DNM3: variants seen among roughly 807,000 people sequenced by gnomAD.
DNM3 encodes dynamin-3.
In DNM3, 47 loss-of-function variants were observed where a neutral mutation model predicts 101.6. That is an observed-to-expected ratio of 0.46 (90% CI 0.37 to 0.59). The LOEUF is 0.59. Ranked by LOEUF, DNM3 falls within the 20% of genes least tolerant of loss-of-function variation. The pLI, the probability that DNM3 is intolerant of heterozygous loss-of-function variation, is 0.00. For missense variants in DNM3, 849 were observed against 1,085.7 expected (o/e 0.78, Z 3.06); for synonymous variants, 385 against 387.9 (o/e 0.99, Z 0.09).
chr1:172,014,880 G>A (rs2047351323), intron 4 of DNM3, among the ~76,000 whole-genome samples: 3 of 151,992 alleles, frequency 2.0e-5, no homozygotes, highest in Admixed American at 1.3e-4. Flanking sequence ...GGGTGATGTA[G>A]GTTTTTATCC....
intron 14 of DNM3, among the ~76,000 whole-genome samples, chr1:172,134,523 T>C (rs762076410): frequency 3.3e-5 from 5 of 152,168 alleles, no homozygotes; most frequent in Non-Finnish European, 7.4e-5. Context: ...GTGCTAAGTG[T>C]CAGTGCTGTG....
intron 15 of DNM3, among the ~76,000 whole-genome samples, chr1:172,267,676 C>T (rs2148734319): frequency 6.6e-6 from 1 of 151,594 alleles, no homozygotes; most frequent in South Asian, 2.1e-4. Context: ...ATCTTTATTT[C>T]TTGGTTCTAG....
At position 172,042,918 on chromosome 1, in the gene DNM3, T is replaced by C. The variant is rs1248414050; in HGVS notation, c.1128+774T>C. 3.3e-5 allele frequency among the ~76,000 whole-genome samples: 5 copies of C among 152,240 alleles called. No individual in the cohort carries two copies. The East Asian group carries it at 7.7e-4, about 24-fold the overall frequency. ...TTAGAAGAATAGTATGCCTGCTGGATTGTAAAGAGCCAAGAGAGTGAGGAG... is the reference window on the plus strand; with the variant it reads ...TTAGAAGAATAGTATGCCTGCTGGACTGTAAAGAGCCAAGAGAGTGAGGAG... On this transcript the variant is annotated intron_variant, in intron 8 of 20. Coordinates refer to ENST00000627582, the MANE Select transcript of DNM3 (RefSeq NM_015569.5).
rs187934463 is a variant in DNM3, at chr1:172,311,655, T to C, written c.1881+2816T>C. Reference sequence around the variant, plus strand: ...ATGAGGGAAAAACTGTCCTAGAAAATCAAAGTTATCCATCTCCCAGTAAAC... The same window carrying C: ...ATGAGGGAAAAACTGTCCTAGAAAACCAAAGTTATCCATCTCCCAGTAAAC... On this transcript the variant is annotated intron_variant, in intron 16 of 20. Coordinates refer to ENST00000627582, the MANE Select transcript of DNM3 (RefSeq NM_015569.5). 2.8e-3 allele frequency among the ~76,000 whole-genome samples: 420 copies of C among 152,244 alleles called. 1 individual carries two copies. Among genetic ancestry groups the C allele is most frequent in the African/African-American group, 9.5e-3 (394 of 41,556 alleles).
At chr1:171,869,683 T>C (rs1397226267) in intron 1 of DNM3, among the ~76,000 whole-genome samples, 1 of 152,246 alleles carries the variant, frequency 6.6e-6, no homozygotes, top group East Asian at 1.9e-4. Context: ...TGACATATGA[T>C]GCTGAGTTAT....
chr1:171,955,342 T>C (rs1000656465), intron 2 of DNM3, among the ~76,000 whole-genome samples: 3 of 152,208 alleles, frequency 2.0e-5, no homozygotes, highest in Non-Finnish European at 2.9e-5. Context: ...CCCTAAAATA[T>C]AGTTATTTTA....
chr1:171,842,434 C>A (rs2031405959), intron 1 of DNM3, among the ~76,000 whole-genome samples: 1 of 152,178 alleles, frequency 6.6e-6, no homozygotes. Context: ...TATCCAGAGA[C>A]GCTTCCCCAC....
rs1257795235 is a variant in DNM3, at chr1:172,205,551, T to C, written c.1660-48022T>C. Among the ~76,000 whole-genome samples, 4 of 152,120 alleles carry C rather than the reference T, an allele frequency of 2.6e-5. No individual in the cohort carries two copies. The East Asian group carries it at 5.8e-4, about 22-fold the overall frequency. ...CTTATATGTTATCCTAAGTGATACA[T>C]TTTTGTGAAAAAAATCTGTATTTTC... On this transcript the variant is annotated intron_variant, in intron 14 of 20. Coordinates refer to ENST00000627582, the MANE Select transcript of DNM3 (RefSeq NM_015569.5).
chr1:172,180,013 T>C (rs867711146), intron 14 of DNM3, among the ~76,000 whole-genome samples: 1 of 152,140 alleles, frequency 6.6e-6, no homozygotes, highest in Middle Eastern at 3.4e-3. Context: ...TATCATACCG[T>C]GTCTCTGAGT....
intron 1 of DNM3, among the ~76,000 whole-genome samples, chr1:171,846,653 G>C (rs1170042877): frequency 1.3e-5 from 2 of 152,108 alleles, no homozygotes; most frequent in African/African-American, 4.8e-5. Context: ...TCTGCTACCA[G>C]AGCCAAGTCA....
chr1:172,146,716 C>A (rs888302069), intron 14 of DNM3, among the ~76,000 whole-genome samples: 2 of 152,162 alleles, frequency 1.3e-5, no homozygotes, highest in Non-Finnish European at 2.9e-5. Context: ...AACCACTGAA[C>A]CAGTAGTCAG....
intron 1 of DNM3, among the ~76,000 whole-genome samples, chr1:171,909,517 C>G (rs2039116530): frequency 6.6e-6 from 1 of 151,304 alleles, no homozygotes; most frequent in Non-Finnish European, 1.5e-5. Context: ...ACTCTTTAGT[C>G]TTCGTATTTT....
chr1:171,853,859 T>A (rs1341870036), intron 1 of DNM3, among the ~76,000 whole-genome samples: 1 of 152,158 alleles, frequency 6.6e-6, no homozygotes, highest in African/African-American at 2.4e-5. Context: ...GTCCCCTCCC[T>A]CCCCTTTAAA....
chr1:171,991,604 G>T (rs2045634992), intron 4 of DNM3, among the ~76,000 whole-genome samples: 1 of 152,074 alleles, frequency 6.6e-6, no homozygotes, highest in Admixed American at 6.6e-5. Flanking sequence ...AGCCCATTTT[G>T]GATTTTTATG....
chr1:172,288,187 C>T (rs1463232816), intron 15 of DNM3, among the ~76,000 whole-genome samples: 1 of 152,182 alleles, frequency 6.6e-6, no homozygotes, highest in Admixed American at 6.5e-5. Context: ...TTAATCACAA[C>T]TGCTAATTAC....
intron 15 of DNM3, among the ~76,000 whole-genome samples, chr1:172,270,870 C>CAGAG (rs1235141270): frequency 6.6e-6 from 1 of 151,952 alleles, no homozygotes; most frequent in Non-Finnish European, 1.5e-5. Flanking sequence ...AATGCAGTTG[C>CAGAG]AGAGAGTAGT....
chr1:172,246,430 A>G (rs936849470), intron 14 of DNM3, among the ~76,000 whole-genome samples: 26 of 152,094 alleles, frequency 1.7e-4, no homozygotes, highest in African/African-American at 5.8e-4. Context: ...TGCAATTGTG[A>G]TGGGAAAAGA....
At chr1:172,035,606 C>T (rs2048899699) in intron 6 of DNM3, among the ~76,000 whole-genome samples, 1 of 152,148 alleles carries the variant, frequency 6.6e-6, no homozygotes, top group South Asian at 2.1e-4. Context: ...CGCAGTATTG[C>T]TTTGCTCTGG....
intron 15 of DNM3, among the ~76,000 whole-genome samples, chr1:172,254,038 C>T (rs1176011041): frequency 3.9e-5 from 6 of 152,038 alleles, no homozygotes; most frequent in African/African-American, 1.4e-4. Context: ...AACTCCTGGG[C>T]TCAAGCAATA....
Sources: allele counts gnomAD v4.1 joint callset (sites outside exome capture counted in the v4.1 genomes callset), GRCh38; gene constraint gnomAD v4.1.1; transcripts MANE v1.5; gene names NCBI Gene and HGNC (gene_info 2026-07-23, HGNC 2026-07-21).